Variants in LOXHD1 observed in about 807,000 individuals in gnomAD.
LOXHD1 encodes lipoxygenase homology domain-containing protein 1.
In LOXHD1, 205 loss-of-function variants were observed where a neutral mutation model predicts 248.2. The observed-to-expected ratio is 0.83, with a 90% confidence interval of 0.74 to 0.93. LOXHD1 has a LOEUF of 0.93. Ranked by LOEUF, LOXHD1 falls within the 40% of genes least tolerant of loss-of-function variation. LOXHD1 has a pLI of 0.00. For synonymous variants in LOXHD1, 1,113 were observed against 1,162.8 expected, an observed-to-expected ratio of 0.96 and a Z score of 0.87; for missense variants, 2,930 against 2,971.6, an observed-to-expected ratio of 0.99 and a Z score of 0.33.
intron 21 of LOXHD1, among the ~76,000 whole-genome samples, chr18:46,548,852 G>T (rs1430498188): frequency 6.6e-6 from 1 of 152,144 alleles, no homozygotes; most frequent in Non-Finnish European, 1.5e-5. Context: ...AATGCACACA[G>T]AGTCTGGATT....
At chr18:46,557,580 G>A (rs2037395377) in intron 20 of LOXHD1, 91 bp from the exon 21 acceptor site, 2 of 1,477,848 alleles carry the variant, frequency 1.4e-6, no homozygotes, top group Non-Finnish European at 9.2e-7. Context: ...AGGGCAGCCA[G>A]CCAGAGGCCA....
At chr18:46,560,048 T>TGCCTGCCCC in intron 19 of LOXHD1, 35 bp downstream of exon 19, 34 of 1,226,294 alleles carry the variant, frequency 2.8e-5, no homozygotes, top group Non-Finnish European at 3.7e-5. Context: ...GTCTGGCCAC[T>TGCCTGCCCC]CCCTCCCCAC....
intron 12 of LOXHD1, among the ~76,000 whole-genome samples, chr18:46,584,102 A>G (rs1265918256): frequency 6.6e-6 from 1 of 152,216 alleles, no homozygotes; most frequent in African/African-American, 2.4e-5. Context: ...AGACGCAGAA[A>G]GACCAATACC....
At chr18:46,515,940 T>C (rs542992774) in intron 34 of LOXHD1, among the ~76,000 whole-genome samples, 1 of 152,170 alleles carries the variant, frequency 6.6e-6, no homozygotes, top group South Asian at 2.1e-4. Flanking sequence ...TGCTCCCCAA[T>C]GCAATCACGT....
chr18:46,496,669 C>G (rs2033890153), intron 37 of LOXHD1, among the ~76,000 whole-genome samples: 1 of 152,172 alleles, frequency 6.6e-6, no homozygotes, highest in South Asian at 2.1e-4. Flanking sequence ...CTTCTGTCTC[C>G]CTCCCCTGAA....
At position 46,533,149 on chromosome 18, in the gene LOXHD1, A is replaced by G. The variant is rs1325319374; in HGVS notation, c.4375+13T>C. 1 of 1,551,532 alleles carries G rather than the reference A, an allele frequency of 6.4e-7. No individual in the cohort carries two copies. On this transcript the variant is annotated intron_variant, in intron 28 of 40. Transcript: ENST00000642948. ...CCTTCCCATGGTGATGAGGGTGGCCACACCACACTTACTGTCCAGAGGCTC... is the reference window on the plus strand; with the variant it reads ...CCTTCCCATGGTGATGAGGGTGGCCGCACCACACTTACTGTCCAGAGGCTC...
At chr18:46,495,162 A>G (rs2033776084) in intron 37 of LOXHD1, among the ~76,000 whole-genome samples, 1 of 152,168 alleles carries the variant, frequency 6.6e-6, no homozygotes, top group Non-Finnish European at 1.5e-5. Context: ...CCATGAATTT[A>G]TATTTTTCAA....
At chr18:46,570,881 TCTGA>T (rs1398913349) in intron 15 of LOXHD1, among the ~76,000 whole-genome samples, 1 of 152,138 alleles carries the variant, frequency 6.6e-6, no homozygotes, top group Non-Finnish European at 1.5e-5. Flanking sequence ...TTTCAGACGC[TCTGA>T]CTGAGGAAGC....
At position 46,519,222 on chromosome 18, in the gene LOXHD1, G is replaced by A. The variant is rs533737648; in HGVS notation, c.5272-966C>T. ...AGGTTCAGGAGAGGCTCAGACACAC[G>A]GTTGGGGAAGGGCCATCTTGACTGT... On this transcript the variant is annotated intron_variant, in intron 33 of 40. Transcript: ENST00000642948. The A allele has an allele frequency of 2.5e-5, 10 of 393,616 alleles. No homozygotes were observed. The South Asian group carries it at 3.1e-4, about 12-fold the overall frequency. 24.4% of individuals were successfully genotyped at this position (393,616 alleles called of 1,614,324 possible). A position where few individuals can be genotyped will look rare whatever the true frequency, so the allele number is the denominator to read the frequency against.
chr18:46,557,090 T>A (rs538810758), intron 21 of LOXHD1, among the ~76,000 whole-genome samples: 19 of 147,730 alleles, frequency 1.3e-4, no homozygotes, highest in African/African-American at 2.8e-4. Context: ...CCCTCAGACA[T>A]AACCCAGCTC....
chr18:46,525,823 A>G (rs1038129382), intron 29 of LOXHD1, among the ~76,000 whole-genome samples: 1 of 152,184 alleles, frequency 6.6e-6, no homozygotes, highest in Non-Finnish European at 1.5e-5. Flanking sequence ...AGAGATGAAT[A>G]GAATAGGATG....
At chr18:46,600,071 T>C (rs1243612463) in intron 8 of LOXHD1, among the ~76,000 whole-genome samples, 1 of 152,208 alleles carries the variant, frequency 6.6e-6, no homozygotes, top group Non-Finnish European at 1.5e-5. Context: ...CCTAGCACTT[T>C]CATTCTGAGA....
At chr18:46,569,401 T>C in intron 16 of LOXHD1, 41 bp downstream of exon 16, 3 of 1,514,120 alleles carry the variant, frequency 2.0e-6, no homozygotes, top group Non-Finnish European at 2.7e-6. Context: ...TGTTCGGAAA[T>C]GGGTGGGATG....
At chr18:46,607,381 ATATATACG>A (rs968656672) in intron 6 of LOXHD1, among the ~76,000 whole-genome samples, 6 of 149,868 alleles carry the variant, frequency 4.0e-5, no homozygotes, top group African/African-American at 1.2e-4. Context: ...ACATATATAC[ATATATACG>A]TACGTATATG....
At position 46,591,991 on chromosome 18, in the gene LOXHD1, G is replaced by A; in HGVS notation, c.1596C>T (p.Asp532=). ...CNRWLDANED[D]NEIVREMTAE... is the part of the protein sequence containing the mutation. ...CAGTCATTTCCCTCACTATCTCATTGTCATCCTCATTGGCATCCAGCCAGC... is the reference window on the plus strand; with the variant it reads ...CAGTCATTTCCCTCACTATCTCATTATCATCCTCATTGGCATCCAGCCAGC... Residue 532 remains aspartate, a synonymous_variant, in exon 12 of 41, where the codon GAC becomes GAT. Transcript: ENST00000642948. The A allele has an allele frequency of 6.4e-7, 1 of 1,552,074 alleles. No individual in the cohort carries two copies. The highest frequency in any genetic ancestry group is 1.2e-5 in the South Asian group (1 of 84,058).
Position 46,577,872 on chromosome 18 carries a change from T to G in LOXHD1, c.1810-5A>C. On this transcript the variant is annotated splice_region_variant and splice_polypyrimidine_tract_variant and intron_variant, in intron 13 of 40. Transcript: ENST00000642948. ...CTCGATAGTGAACTCGTCAGCCTTG[T>G]GGGGGGAAACCACAAGGCCAGTTAG... 1 of 1,551,506 alleles carries G rather than the reference T, an allele frequency of 6.4e-7. No homozygotes were observed. Among genetic ancestry groups the G allele is most frequent in the Non-Finnish European group, 8.7e-7 (1 of 1,146,964 alleles).
chr18:46,620,068 A>G (rs969772601), intron 4 of LOXHD1, among the ~76,000 whole-genome samples: 1 of 152,170 alleles, frequency 6.6e-6, no homozygotes, highest in African/African-American at 2.4e-5. Flanking sequence ...CAGGTGTTAA[A>G]CGGGCAGATT....
chr18:46,520,808 A>G (rs1287428497), intron 33 of LOXHD1: 5 of 390,980 alleles, frequency 1.3e-5, no homozygotes, highest in African/African-American at 1.0e-4. Context: ...AAGACCATAC[A>G]TGGAACAGGC....
chr18:46,554,495 A>T (rs1170683720), intron 21 of LOXHD1, among the ~76,000 whole-genome samples: 5 of 152,134 alleles, frequency 3.3e-5, no homozygotes, highest in Admixed American at 2.6e-4. Context: ...AACTTCTATA[A>T]TTTTTTGTCT....
Sources: gnomAD v4.1 joint callset for allele counts (sites outside exome capture counted in the v4.1 genomes callset) on GRCh38, gnomAD v4.1.1 for gene constraint, MANE v1.5 for transcripts, NCBI Gene and HGNC (gene_info 2026-07-23, HGNC 2026-07-21) for gene names.